The following ANO3 variants were observed in gnomAD, a reference collection of about 807,000 sequenced individuals.
ANO3 encodes the protein anoctamin 3, also known as anoctamin-3.
Under a neutral mutation model 144.8 loss-of-function variants are expected in ANO3, and 99 were observed. The ratio of observed to expected loss-of-function variants is 0.68; its 90% CI spans 0.58 to 0.81. The LOEUF is 0.81. Among genes scored for constraint, ANO3 ranks in the 30% least tolerant of loss-of-function variants. The probability of loss-of-function intolerance (pLI) is 0.00; values close to 1 mark genes in which losing one functional copy is unlikely to be tolerated. For synonymous variants in ANO3, 414 were observed against 392.6 expected, an observed-to-expected ratio of 1.05 and a Z score of -0.64; for missense variants, 905 against 1,202.2, an observed-to-expected ratio of 0.75 and a Z score of 3.66.
chr11:26,284,988 A>G (rs1164074384), intron 1 of ANO3, among the ~76,000 whole-genome samples: 1 of 152,230 alleles, frequency 6.6e-6, no homozygotes, highest in Non-Finnish European at 1.5e-5. Flanking sequence ...TGATCTCTAA[A>G]TATACTTGAA....
At chr11:26,648,850 G>T (rs557247591) in intron 24 of ANO3, among the ~76,000 whole-genome samples, 2 of 152,258 alleles carry the variant, frequency 1.3e-5, no homozygotes, top group East Asian at 3.9e-4. Context: ...CGGATGCAGG[G>T]CATGTGCCAC....
intron 1 of ANO3, among the ~76,000 whole-genome samples, chr11:26,436,290 GA>G (rs1858293065): frequency 6.6e-6 from 1 of 152,262 alleles, no homozygotes; most frequent in Admixed American, 6.5e-5. Flanking sequence ...CTCACACCAG[GA>G]GCTTTGTCCC....
intron 4 of ANO3, among the ~76,000 whole-genome samples, chr11:26,479,406 A>G (rs1860115237): frequency 6.6e-6 from 1 of 152,204 alleles, no homozygotes; most frequent in Non-Finnish European, 1.5e-5. Context: ...GAAACTGGGT[A>G]ACTTATAAAG....
chr11:26,485,149 A>G (rs975292650), intron 4 of ANO3, among the ~76,000 whole-genome samples: 1 of 152,150 alleles, frequency 6.6e-6, no homozygotes, highest in Non-Finnish European at 1.5e-5. Context: ...ACTCTTGAGA[A>G]GGGACAGTTG....
At chr11:26,459,035 A>C (rs1207101448) in intron 3 of ANO3, among the ~76,000 whole-genome samples, 1 of 152,134 alleles carries the variant, frequency 6.6e-6, no homozygotes, top group East Asian at 1.9e-4. Flanking sequence ...AAGTGAACAG[A>C]ACCCTGGCTA....
intron 17 of ANO3, among the ~76,000 whole-genome samples, chr11:26,624,092 CTG>C (rs975114852): frequency 4.9e-4 from 74 of 152,274 alleles, no homozygotes; most frequent in African/African-American, 1.6e-3. Flanking sequence ...GGCCAAAAAA[CTG>C]TAATTTTGAG....
chr11:26,634,146 C>A, intron 18 of ANO3, 58 bp from the exon 19 acceptor site: 2 of 985,960 alleles, frequency 2.0e-6, no homozygotes, highest in East Asian at 2.5e-5. Flanking sequence ...CCTCCATGTC[C>A]AGAGTCTTGA....
intron 1 of ANO3, among the ~76,000 whole-genome samples, chr11:26,319,144 C>CATTATTATT (rs376211456): frequency 6.6e-6 from 1 of 150,834 alleles, no homozygotes; most frequent in East Asian, 1.9e-4. Flanking sequence ...TTCCAGATAA[C>CATTATTATT]ATTATTATTA....
chr11:26,248,197 G>C (rs977985731), intron 1 of ANO3, among the ~76,000 whole-genome samples: 2 of 152,020 alleles, frequency 1.3e-5, no homozygotes, highest in Admixed American at 1.3e-4. Flanking sequence ...AATTAACCAG[G>C]TGTGGTGGCA....
chr11:26,274,996 C>T (rs919370341), intron 1 of ANO3, among the ~76,000 whole-genome samples: 1 of 151,752 alleles, frequency 6.6e-6, no homozygotes, highest in Non-Finnish European at 1.5e-5. Context: ...TTTCATTACT[C>T]AAAAAATTTA....
intron 1 of ANO3, among the ~76,000 whole-genome samples, chr11:26,233,731 G>T (rs1270384434): frequency 6.6e-6 from 1 of 152,142 alleles, no homozygotes; most frequent in Non-Finnish European, 1.5e-5. Context: ...AGAAAATGTG[G>T]CACATGTACA....
At chr11:26,507,159 C>T (rs1458941662) in intron 4 of ANO3, among the ~76,000 whole-genome samples, 1 of 152,024 alleles carries the variant, frequency 6.6e-6, no homozygotes, top group Non-Finnish European at 1.5e-5. Flanking sequence ...CTGGAAAAGC[C>T]CCCCTAAGAG....
chr11:26,300,411 T>A (rs1292801866), intron 1 of ANO3, among the ~76,000 whole-genome samples: 2 of 152,120 alleles, frequency 1.3e-5, no homozygotes, highest in Admixed American at 1.3e-4. Context: ...TTATAGCATT[T>A]GCAAAGTTAA....
intron 11 of ANO3, among the ~76,000 whole-genome samples, chr11:26,546,943 G>A (rs544067627): frequency 1.3e-5 from 2 of 152,004 alleles, no homozygotes; most frequent in South Asian, 4.1e-4. Flanking sequence ...CTTTGTTGAG[G>A]AAGATGTGAC....
intron 1 of ANO3, among the ~76,000 whole-genome samples, chr11:26,414,925 A>G (rs1340425344): frequency 1.3e-5 from 2 of 151,976 alleles, no homozygotes; most frequent in Non-Finnish European, 2.9e-5. Context: ...AAAATTGTTC[A>G]TGATTTAGTG....
At chr11:26,284,240 C>T (rs1490915450) in intron 1 of ANO3, among the ~76,000 whole-genome samples, 2 of 152,160 alleles carry the variant, frequency 1.3e-5, no homozygotes, top group Non-Finnish European at 2.9e-5. Flanking sequence ...CAGCTTGGAC[C>T]TATCCTAATA....
At chr11:26,201,875 T>A (rs1417629979) in intron 1 of ANO3, among the ~76,000 whole-genome samples, 1 of 151,662 alleles carries the variant, frequency 6.6e-6, no homozygotes, top group Non-Finnish European at 1.5e-5. Flanking sequence ...TTACTATCCC[T>A]GAGAGCCTGC....
chr11:26,540,829 G>A (rs1396369018), intron 10 of ANO3, among the ~76,000 whole-genome samples: 1 of 152,020 alleles, frequency 6.6e-6, no homozygotes, highest in Non-Finnish European at 1.5e-5. Context: ...GAAATAGGAA[G>A]GCCTTTACAT....
rs373023694 is a variant in ANO3 at position 26,510,003 on chromosome 11, G to A, written c.591+1741G>A. Among the ~76,000 whole-genome samples, 10 of 151,794 alleles carry A rather than the reference G, an allele frequency of 6.6e-5. No homozygotes were observed. In the East Asian group the frequency reaches 7.8e-4, roughly 12 times the overall value. ...ACAAAAAGTAGCTGGTCGTGGTGGC[G>A]CGTTCCTGTAGTCCCAGCTACTCTG... On this transcript the variant is annotated intron_variant, in intron 5 of 26. Transcript: ENST00000256737.
Sources: allele counts gnomAD v4.1 joint callset (sites outside exome capture counted in the v4.1 genomes callset), GRCh38; gene constraint gnomAD v4.1.1; transcripts MANE v1.5; gene names NCBI Gene and HGNC (gene_info 2026-07-23, HGNC 2026-07-21).